Variants in CLEC16A observed in about 807,000 individuals in gnomAD.
The protein encoded by CLEC16A is protein CLEC16A.
Under a neutral mutation model 109.5 loss-of-function variants are expected in CLEC16A, and 51 were observed. The ratio of observed to expected loss-of-function variants is 0.47; its 90% CI spans 0.37 to 0.59. CLEC16A has a LOEUF of 0.59. Among genes scored for constraint, CLEC16A ranks in the 20% least tolerant of loss-of-function variants. The pLI, the probability that CLEC16A is intolerant of heterozygous loss-of-function variation, is 0.00. For missense variants in CLEC16A, 1,339 were observed against 1,394.0 expected, an observed-to-expected ratio of 0.96 and a Z score of 0.63; for synonymous variants, 673 against 564.2, an observed-to-expected ratio of 1.19 and a Z score of -2.73.
At position 10,977,330 on chromosome 16, in the gene CLEC16A, G is replaced by A; in HGVS notation, c.834G>A (p.Val278=). ...LIINCEFLND[V]LTDHLLNRLF... ...TCAACTGTGAGTTCCTCAACGATGT[G>A]CTCACTGACCACCTGCTCAACAGGC... The change falls in exon 8 of 24, where the codon GTG becomes GTA. Residue 278 remains valine, a synonymous_variant. Coordinates refer to ENST00000409790, the MANE Select transcript of CLEC16A (RefSeq NM_015226.3). 1 of 1,613,992 alleles carries A rather than the reference G, an allele frequency of 6.2e-7. No homozygotes were observed. The highest frequency in any genetic ancestry group is 8.5e-7 in the Non-Finnish European group (1 of 1,179,886).
chr16:11,093,209 T>A (rs143202737), intron 19 of CLEC16A, among the ~76,000 whole-genome samples: 5 of 151,812 alleles, frequency 3.3e-5, no homozygotes, highest in African/African-American at 9.7e-5. Flanking sequence ...CACAGCAGAG[T>A]GAGAGAGAGA....
intron 22 of CLEC16A, among the ~76,000 whole-genome samples, chr16:11,165,738 G>T (rs989963208): frequency 6.6e-6 from 1 of 152,146 alleles, no homozygotes; most frequent in African/African-American, 2.4e-5. Flanking sequence ...GTTCATCCCC[G>T]CTGGGTCAGT....
chr16:10,979,307 C>G, intron 8 of CLEC16A, 22 bp from the exon 9 acceptor site: 1 of 1,607,988 alleles, frequency 6.2e-7, no homozygotes, highest in Non-Finnish European at 8.5e-7. Flanking sequence ...CTCTCTCTCT[C>G]TCTCCTGCCA....
intron 19 of CLEC16A, among the ~76,000 whole-genome samples, chr16:11,082,775 A>G (rs1567293016): frequency 6.6e-6 from 1 of 152,186 alleles, no homozygotes; most frequent in Non-Finnish European, 1.5e-5. Flanking sequence ...TGCCCTGAAT[A>G]TAAAATTTTA....
chr16:10,968,937 G>A (rs932454253), intron 3 of CLEC16A, among the ~76,000 whole-genome samples: 7 of 152,060 alleles, frequency 4.6e-5, no homozygotes, highest in Non-Finnish European at 8.8e-5. Flanking sequence ...GTGGGAGGGC[G>A]GGGAAGGGCT....
intron 22 of CLEC16A, chr16:11,126,561 G>A (rs1327020062): frequency 3.9e-6 from 2 of 511,790 alleles, no homozygotes; most frequent in South Asian, 5.1e-5. Context: ...AAAGAAGGCC[G>A]TGCTGCCCAC....
At chr16:10,962,625 G>A in intron 3 of CLEC16A, 37 bp downstream of exon 3, 2 of 1,606,804 alleles carry the variant, frequency 1.2e-6, no homozygotes, top group South Asian at 2.2e-5. Context: ...CTGTGCTGCT[G>A]TGCATGTAGC....
At chr16:11,052,219 A>T (rs1380357903) in intron 18 of CLEC16A, among the ~76,000 whole-genome samples, 2 of 152,092 alleles carry the variant, frequency 1.3e-5, no homozygotes, top group African/African-American at 4.8e-5. Flanking sequence ...AGGGGTGTTC[A>T]TGGTATTTTA....
chr16:11,011,771 C>T (rs2045431135), intron 11 of CLEC16A, among the ~76,000 whole-genome samples: 1 of 152,102 alleles, frequency 6.6e-6, no homozygotes, highest in East Asian at 1.9e-4. Flanking sequence ...TGCGTACACA[C>T]ACGTATTTTA....
At chr16:11,038,189 G>A (rs936485440) in intron 13 of CLEC16A, among the ~76,000 whole-genome samples, 2 of 152,170 alleles carry the variant, frequency 1.3e-5, no homozygotes, top group Admixed American at 6.5e-5. Context: ...TTACATCAAT[G>A]TGCATGTGCA....
chr16:11,019,865 G>A (rs1354996611), intron 11 of CLEC16A, among the ~76,000 whole-genome samples: 1 of 152,106 alleles, frequency 6.6e-6, no homozygotes, highest in East Asian at 1.9e-4. Context: ...TCAGCTGCCT[G>A]AAATCCTTTG....
intron 1 of CLEC16A, among the ~76,000 whole-genome samples, chr16:10,952,361 G>A (rs180904207): frequency 1.2e-4 from 18 of 152,300 alleles, no homozygotes; most frequent in African/African-American, 4.1e-4. Flanking sequence ...GGGCATGGTG[G>A]CCTGCGCCTA....
intron 20 of CLEC16A, among the ~76,000 whole-genome samples, chr16:11,121,745 T>C (rs1301236707): frequency 6.6e-6 from 1 of 151,614 alleles, no homozygotes; most frequent in Non-Finnish European, 1.5e-5. Flanking sequence ...CCGGGCATGA[T>C]AGCAGGCACC....
intron 22 of CLEC16A, among the ~76,000 whole-genome samples, chr16:11,162,998 T>C (rs992044989): frequency 5.3e-5 from 8 of 152,196 alleles, no homozygotes; most frequent in Non-Finnish European, 8.8e-5. Flanking sequence ...CTGGAGAGGA[T>C]CTCAGGGAGG....
chr16:11,098,913 G>A (rs966843230), intron 19 of CLEC16A, among the ~76,000 whole-genome samples: 9 of 152,246 alleles, frequency 5.9e-5, no homozygotes, highest in African/African-American at 2.2e-4. Flanking sequence ...AGAGGCCAGG[G>A]TGGAGGGAGG....
chr16:11,062,259 G>A (rs900630718), intron 19 of CLEC16A, among the ~76,000 whole-genome samples: 3 of 152,080 alleles, frequency 2.0e-5, no homozygotes, highest in Non-Finnish European at 2.9e-5. Flanking sequence ...ACAGCACAGG[G>A]CCACTCTCTG....
intron 14 of CLEC16A, chr16:11,040,269 G>A (rs904747679): frequency 3.3e-5 from 6 of 181,698 alleles, no homozygotes; most frequent in Non-Finnish European, 3.5e-5. Flanking sequence ...GCCAGTAGAC[G>A]TAGGAGACAG....
chr16:11,059,730 C>T (rs1806135189), intron 18 of CLEC16A, among the ~76,000 whole-genome samples: 1 of 152,202 alleles, frequency 6.6e-6, no homozygotes, highest in Admixed American at 6.5e-5. Flanking sequence ...TGGTTTGTCC[C>T]CCCAACCCCA....
chr16:11,019,360 C>G (rs1427681858), intron 11 of CLEC16A, among the ~76,000 whole-genome samples: 1 of 152,170 alleles, frequency 6.6e-6, no homozygotes, highest in South Asian at 2.1e-4. Flanking sequence ...ACAGGTTACC[C>G]TTGTTTAATG....
Sources: gnomAD v4.1 joint callset for allele counts (sites outside exome capture counted in the v4.1 genomes callset) on GRCh38, gnomAD v4.1.1 for gene constraint, MANE v1.5 for transcripts, NCBI Gene and HGNC (gene_info 2026-07-23, HGNC 2026-07-21) for gene names.